SCAPER: variants seen among roughly 807,000 people sequenced by gnomAD.
The protein encoded by SCAPER is S phase cyclin A-associated protein in the endoplasmic reticulum.
A neutral mutation model predicts 182.2 loss-of-function variants in SCAPER; 98 were observed. That is an observed-to-expected ratio of 0.54 (90% CI 0.46 to 0.64). The LOEUF is 0.64. SCAPER is among the 30% of genes least tolerant of loss of function. The pLI is 0.00. For synonymous variants in SCAPER, 605 were observed against 564.6 expected (o/e 1.07, Z -1.01); for missense variants, 1,432 against 1,690.0 (o/e 0.85, Z 2.68).
intron 29 of SCAPER, among the ~76,000 whole-genome samples, chr15:76,357,760 C>T (rs1566985044): frequency 6.6e-6 from 1 of 152,230 alleles, no homozygotes; most frequent in Admixed American, 6.5e-5. Flanking sequence ...TAAAATACTA[C>T]TCAGCCATAA....
chr15:76,591,738 T>A lies in SCAPER; in HGVS notation c.2712-17454A>T, dbSNP rs540272292. Among the ~76,000 whole-genome samples, 6 of 152,300 alleles carry A rather than the reference T, an allele frequency of 3.9e-5. No individual in the cohort carries two copies. In the South Asian group the frequency reaches 1.0e-3, roughly 26 times the overall value. The stretch of plus-strand genomic sequence containing the variant: ...GTAAAAAGCAAGTTGCCAATCAAAA[T>A]ATATATATAAGTTTCTACAAAGAAA... On this transcript the variant is annotated intron_variant, in intron 22 of 31. Coordinates refer to ENST00000563290, the MANE Select transcript of SCAPER (RefSeq NM_020843.4).
intron 8 of SCAPER, among the ~76,000 whole-genome samples, chr15:76,787,683 A>G (rs1350424518): frequency 6.6e-6 from 1 of 152,180 alleles, no homozygotes; most frequent in Non-Finnish European, 1.5e-5. Context: ...ACGAACCTTC[A>G]CTTAAAACGC....
At chr15:76,391,439 G>C (rs531376607) in intron 27 of SCAPER, among the ~76,000 whole-genome samples, 1 of 152,150 alleles carries the variant, frequency 6.6e-6, no homozygotes, top group Admixed American at 6.5e-5. Context: ...ACCTTGACAA[G>C]GTCTGGGACA....
chr15:76,397,668 C>A (rs754765947), intron 27 of SCAPER, among the ~76,000 whole-genome samples: 1 of 151,782 alleles, frequency 6.6e-6, no homozygotes, highest in Non-Finnish European at 1.5e-5. Context: ...TTAGTAGAGA[C>A]GGGGTTTCTA....
chr15:76,887,674 A>G (rs6495222), intron 1 of SCAPER, among the ~76,000 whole-genome samples: 1 of 151,994 alleles, frequency 6.6e-6, no homozygotes, highest in Admixed American at 6.5e-5. Context: ...AGAGCCCCCC[A>G]ACAGCTCAGC....
chr15:76,673,283 A>G (rs1201994780), intron 20 of SCAPER, among the ~76,000 whole-genome samples: 1 of 152,126 alleles, frequency 6.6e-6, no homozygotes, highest in Non-Finnish European at 1.5e-5. Context: ...CACTGCATAC[A>G]TACTTACAGA....
intron 5 of SCAPER, among the ~76,000 whole-genome samples, chr15:76,831,705 C>G (rs2068502258): frequency 6.6e-6 from 1 of 152,094 alleles, no homozygotes; most frequent in African/African-American, 2.4e-5. Flanking sequence ...CTTCCATCAC[C>G]CCACCGGAGC....
chr15:76,735,195 T>A (rs184687381), intron 15 of SCAPER, among the ~76,000 whole-genome samples: 2 of 151,488 alleles, frequency 1.3e-5, no homozygotes, highest in East Asian at 3.9e-4. Flanking sequence ...TATAAATATA[T>A]ACAGATAGAT....
chr15:76,375,457 ACT>A (rs977838483), intron 29 of SCAPER, among the ~76,000 whole-genome samples: 2 of 151,932 alleles, frequency 1.3e-5, no homozygotes, highest in African/African-American at 4.8e-5. Flanking sequence ...AGAGCACCAG[ACT>A]CTAATACTAT....
chr15:76,732,344 T>C (rs1197991729), intron 16 of SCAPER, among the ~76,000 whole-genome samples: 2 of 152,162 alleles, frequency 1.3e-5, no homozygotes, highest in Non-Finnish European at 2.9e-5. Flanking sequence ...TCATTAATCA[T>C]TAGTTTGTAG....
intron 22 of SCAPER, among the ~76,000 whole-genome samples, chr15:76,604,929 G>T (rs1442344360): frequency 6.6e-6 from 1 of 152,076 alleles, no homozygotes; most frequent in African/African-American, 2.4e-5. Context: ...ATTTTGGGCT[G>T]AGACGATGGG....
At chr15:76,587,604 T>A (rs2048762774) in intron 22 of SCAPER, among the ~76,000 whole-genome samples, 1 of 152,226 alleles carries the variant, frequency 6.6e-6, no homozygotes, top group East Asian at 1.9e-4. Flanking sequence ...AAATTCCTTT[T>A]GGAGTTGATA....
chr15:76,517,368 T>C (rs1156470551), intron 23 of SCAPER, among the ~76,000 whole-genome samples: 1 of 150,700 alleles, frequency 6.6e-6, no homozygotes, highest in Non-Finnish European at 1.5e-5. Flanking sequence ...TTTTTTTTTT[T>C]AGATGGAGTC....
Position 76,566,892 on chromosome 15 carries a change from T to C in SCAPER, c.2838+7266A>G, listed in dbSNP as rs563854543. Among the ~76,000 whole-genome samples, 20 of 152,178 alleles carry C rather than the reference T, an allele frequency of 1.3e-4. No individual in the cohort carries two copies. The South Asian group carries it at 3.9e-3, about 30-fold the overall frequency. ...AAATTAGCAAACATGTATGTACAAGTTAAATAATAATTTTAATTTGAACAC... is the reference window on the plus strand; with the variant it reads ...AAATTAGCAAACATGTATGTACAAGCTAAATAATAATTTTAATTTGAACAC... On this transcript the variant is annotated intron_variant, in intron 23 of 31. Coordinates refer to ENST00000563290, the MANE Select transcript of SCAPER (RefSeq NM_020843.4).
At chr15:76,893,981 T>C (rs899695794) in intron 1 of SCAPER, among the ~76,000 whole-genome samples, 6 of 152,226 alleles carry the variant, frequency 3.9e-5, no homozygotes, top group Non-Finnish European at 8.8e-5. Flanking sequence ...CCAGGCGCAG[T>C]GGCTCACACC....
At chr15:76,903,586 G>T (rs956102828) in intron 1 of SCAPER, among the ~76,000 whole-genome samples, 6 of 152,158 alleles carry the variant, frequency 3.9e-5, no homozygotes, top group African/African-American at 1.4e-4. Flanking sequence ...ACCAAACACT[G>T]AATCATCAGA....
chr15:76,501,511 G>T (rs1387334559), intron 24 of SCAPER, among the ~76,000 whole-genome samples: 1 of 152,192 alleles, frequency 6.6e-6, no homozygotes, highest in African/African-American at 2.4e-5. Context: ...CACTAACAAA[G>T]AGTCAGGGCT....
chr15:76,843,212 G>C (rs1242795648), intron 4 of SCAPER, among the ~76,000 whole-genome samples: 4 of 152,122 alleles, frequency 2.6e-5, no homozygotes, highest in Non-Finnish European at 5.9e-5. Flanking sequence ...TGTACAACGG[G>C]CAATAATGCC....
chr15:76,533,036 T>C (rs183109437), intron 23 of SCAPER, among the ~76,000 whole-genome samples: 66 of 152,364 alleles, frequency 4.3e-4, no homozygotes, highest in African/African-American at 1.5e-3. Flanking sequence ...TAAGTAATTA[T>C]ATTATGCAGC....
Sources: allele counts gnomAD v4.1 joint callset (sites outside exome capture counted in the v4.1 genomes callset), GRCh38; gene constraint gnomAD v4.1.1; transcripts MANE v1.5; gene names NCBI Gene and HGNC (gene_info 2026-07-23, HGNC 2026-07-21).